Variants in MPST observed in about 807,000 individuals in gnomAD.
MPST encodes 3-mercaptopyruvate sulfurtransferase.
In MPST, 27 loss-of-function variants were observed where a neutral mutation model predicts 28.5. The observed-to-expected ratio is 0.95, with a 90% CI of 0.70 to 1.31. MPST has a LOEUF of 1.31. MPST is among the 50% of genes most tolerant of loss of function. MPST has a pLI of 0.00. For missense variants in MPST, 492 were observed against 471.1 expected (o/e 1.04, Z -0.41); for synonymous variants, 204 against 209.3 (o/e 0.97, Z 0.22).
chr22:37,022,453 G>A (rs563380835), intron 1 of MPST, among the ~76,000 whole-genome samples: 22 of 152,338 alleles, frequency 1.4e-4, no homozygotes, highest in Admixed American at 1.1e-3. Flanking sequence ...AGGCCTGACC[G>A]CATGGGTGAA....
chr22:37,021,246 A>G (rs1452018423), intron 1 of MPST, among the ~76,000 whole-genome samples: 2 of 151,988 alleles, frequency 1.3e-5, no homozygotes, highest in Non-Finnish European at 2.9e-5. Context: ...TCTGAATCAC[A>G]CAGGCACCTG....
chr22:37,020,491 TAA>T (rs1922989664), intron 1 of MPST, among the ~76,000 whole-genome samples: 2 of 152,282 alleles, frequency 1.3e-5, no homozygotes, highest in South Asian at 4.1e-4. Context: ...CGTTTAATCA[TAA>T]GTTGATGTAA....
intron 2 of MPST, 81 bp downstream of exon 2, chr22:37,024,891 T>G (rs1923406905): frequency 1.3e-6 from 2 of 1,551,764 alleles, no homozygotes; most frequent in African/African-American, 2.7e-5. Flanking sequence ...TGACCTTTCT[T>G]TTATTTTTTT....
intron 2 of MPST, chr22:37,025,558 G>T (rs189422754): frequency 0.012 from 1,986 of 167,898 alleles, 23 homozygotes; most frequent in Non-Finnish European, 0.018. Flanking sequence ...TATAATGCGA[G>T]GAGGAGTCCC....
Position 37,024,206 on chromosome 22 carries a change from T to G in MPST, c.51T>G (p.Ser17Arg). The change falls in exon 2 of 3, where the codon AGT (serine) becomes AGG (arginine). Residue 17 changes from serine to arginine, a missense_variant. By Grantham distance (110) the Ser-to-Arg change is moderately radical. Transcript: ENST00000429360. ...CTGTCGCCCAGGCCCGCAGCCCGAG[T>G]GTCGCCGCCATGGCTTCGCCGCAGC... is the stretch of plus-strand genomic sequence containing the variant. ...RESETRARSPSVAAMASPQLC... is the reference protein window; with the variant it reads ...RESETRARSPRVAAMASPQLC... 1 of 1,378,516 alleles carries G rather than the reference T, an allele frequency of 7.3e-7. No homozygotes were observed. Among genetic ancestry groups the G allele is most frequent in the Non-Finnish European group, 9.3e-7 (1 of 1,073,804 alleles). 85.4% of individuals were successfully genotyped at this position (1,378,516 alleles called of 1,614,324 possible).
At chr22:37,025,105 G>T (rs1422158876) in intron 2 of MPST, 1 of 1,464,126 alleles carries the variant, frequency 6.8e-7, no homozygotes, top group Admixed American at 2.1e-5. Flanking sequence ...GCCTGACCTT[G>T]CCTTTAAAGG....
At position 37,029,687 on chromosome 22, in the gene MPST, CG is replaced by C; in HGVS notation, c.*176del. 1.4e-6 allele frequency: 1 copy of C among 710,958 alleles called. No individual in the cohort carries two copies. The allele number at this position is 710,958 out of a possible 1,614,324, so 44.0% of individuals were successfully genotyped here. ...TTGACTTGTTGGCTGCCAGTAGGGG[CG>C]GGAGGAAAGGCGGAGGCGAGCCCTG... On this transcript the variant is annotated 3_prime_UTR_variant, in exon 3 of 3. Transcript: ENST00000429360.
intron 2 of MPST, 188 bp downstream of exon 2, chr22:37,024,998 A>T (rs1923418727): frequency 6.8e-7 from 1 of 1,476,372 alleles, no homozygotes; most frequent in Non-Finnish European, 9.2e-7. Flanking sequence ...CCTTCTTTTC[A>T]CAGGGTCTGG....
chr22:37,025,218 G>A (rs1430593674), intron 2 of MPST: 4 of 1,183,544 alleles, frequency 3.4e-6, no homozygotes, highest in East Asian at 5.6e-5. Flanking sequence ...TGTGCTTTGG[G>A]CAGTGACTCT....
intron 1 of MPST, among the ~76,000 whole-genome samples, chr22:37,021,541 C>T (rs879921789): frequency 3.3e-5 from 5 of 152,074 alleles, no homozygotes; most frequent in African/African-American, 7.3e-5. Flanking sequence ...GGCGCGATCT[C>T]GGCTCACTGT....
intron 1 of MPST, chr22:37,020,278 T>G: frequency 1.8e-5 from 3 of 163,344 alleles, no homozygotes; most frequent in East Asian, 1.7e-4. Context: ...TGTGACTTAA[T>G]TCCCACAATA....
intron 1 of MPST, among the ~76,000 whole-genome samples, chr22:37,020,912 G>C (rs184704446): frequency 6.6e-6 from 1 of 152,290 alleles, no homozygotes; most frequent in Non-Finnish European, 1.5e-5. Flanking sequence ...GCCCATCTCA[G>C]CCTCCCAAAG....
chr22:37,024,798 G>T lies in MPST; in HGVS notation c.643G>T (p.Glu215Ter). The T allele has an allele frequency of 6.2e-7, 1 of 1,603,432 alleles. No homozygotes were observed. ...TGGCAGGTTCCGCGGCACCGAGCCC[G>T]AGCCCCGAGACGGTAACGCGGGGGA... ...ATGRFRGTEP[E>*]PRDGIEPGHI... Residue 215 changes from glutamate to a stop codon, truncating the protein, a stop_gained, in exon 2 of 3, where the codon GAG becomes TAG. Transcript: ENST00000429360. LOFTEE classifies it high-confidence loss of function.
At chr22:37,025,030 G>T (rs1480319592) in intron 2 of MPST, 1 of 1,489,522 alleles carries the variant, frequency 6.7e-7, no homozygotes, top group Admixed American at 2.0e-5. Context: ...AGGCTGGAGT[G>T]CAGTGGCACA....
intron 2 of MPST, chr22:37,027,341 C>T (rs1227193096): frequency 6.6e-6 from 1 of 152,150 alleles, no homozygotes; most frequent in Non-Finnish European, 1.5e-5. Flanking sequence ...CAAGGTGGGG[C>T]AGTGAAAACA....
chr22:37,029,620 C>A lies in MPST; in HGVS notation c.*106C>A. On this transcript the variant is annotated 3_prime_UTR_variant, in exon 3 of 3. Coordinates refer to ENST00000429360, the MANE Select transcript of MPST (RefSeq NM_021126.8). ...CAAGAGAGTGTTTCTTCACTCAACT[C>A]AGGTGGCATTTGGGGTGACATCTCA... is the stretch of plus-strand genomic sequence containing the variant. 8.2e-7 allele frequency: 1 copy of A among 1,214,000 alleles called. No homozygotes were observed. The highest frequency in any genetic ancestry group is 1.1e-6 in the Non-Finnish European group (1 of 882,164). 75.2% of individuals were successfully genotyped at this position (1,214,000 alleles called of 1,614,324 possible).
Position 37,029,552 on chromosome 22 carries a change from C to A in MPST, c.*38C>A. 1 of 1,545,218 alleles carries A rather than the reference C, an allele frequency of 6.5e-7. No homozygotes were observed. Among genetic ancestry groups the A allele is most frequent in the Non-Finnish European group, 8.8e-7 (1 of 1,140,490 alleles). Reference sequence around the variant, plus strand: ...CACAGGCGAGCTCAGGTGATGCCGGCCACCAGCAATGCCTGGCCTGGTAGC... The same window carrying A: ...CACAGGCGAGCTCAGGTGATGCCGGACACCAGCAATGCCTGGCCTGGTAGC... On this transcript the variant is annotated 3_prime_UTR_variant, in exon 3 of 3. Coordinates refer to ENST00000429360, the MANE Select transcript of MPST (RefSeq NM_021126.8).
At chr22:37,026,183 G>A (rs1488859078) in intron 2 of MPST, 1 of 152,188 alleles carries the variant, frequency 6.6e-6, no homozygotes, top group African/African-American at 2.4e-5. Flanking sequence ...GCTAGCTGGT[G>A]GTGCCAGACT....
chr22:37,028,161 G>A (rs1601463254), intron 2 of MPST: 1 of 152,100 alleles, frequency 6.6e-6, no homozygotes, highest in Non-Finnish European at 1.5e-5. Context: ...AGCACTTTGG[G>A]AAGCTGAGGC....
Sources: allele counts gnomAD v4.1 joint callset (sites outside exome capture counted in the v4.1 genomes callset), GRCh38; gene constraint gnomAD v4.1.1; transcripts MANE v1.5; gene names NCBI Gene and HGNC (gene_info 2026-07-23, HGNC 2026-07-21).